GALNT6: variants seen among roughly 807,000 people sequenced by gnomAD.
GALNT6 encodes the protein GalNAc transferase 6.
GALNT6 carries 51 observed loss-of-function variants against 65.9 expected under a neutral mutation model. The observed-to-expected ratio is 0.77, with a 90% CI of 0.62 to 0.98. The LOEUF is 0.98. Among genes scored for constraint, GALNT6 ranks in the 50% least tolerant of loss-of-function variants. GALNT6 has a pLI of 0.00. For synonymous variants in GALNT6, 323 were observed against 315.1 expected, an observed-to-expected ratio of 1.02 and a Z score of -0.26; for missense variants, 708 against 803.3, an observed-to-expected ratio of 0.88 and a Z score of 1.43.
At chr12:51,374,666 C>T (rs1323947081) in intron 4 of GALNT6, among the ~76,000 whole-genome samples, 1 of 152,104 alleles carries the variant, frequency 6.6e-6, no homozygotes, top group African/African-American at 2.4e-5. Context: ...CTGGGAGAGC[C>T]CCAGACACCA....
Position 51,379,798 on chromosome 12 carries a change from G to A in GALNT6, c.-17C>T. 6 of 1,590,778 alleles carry A rather than the reference G, an allele frequency of 3.8e-6. No individual in the cohort carries two copies. The highest frequency in any genetic ancestry group is 1.1e-5 in the South Asian group (1 of 89,974). ...GAGCCTCATCCTCCAGAACCAAGGG[G>A]CACCCCAGCTGCGTCAGCTCTGAGT... On this transcript the variant is annotated 5_prime_UTR_variant, in exon 3 of 12. Transcript: ENST00000356317.
chr12:51,379,311 C>T lies in GALNT6; in HGVS notation c.471G>A (p.Gly157=), dbSNP rs779046131. 5.9e-6 allele frequency: 9 copies of T among 1,523,516 alleles called. No individual in the cohort carries two copies. The highest frequency in any genetic ancestry group is 7.9e-6 in the Non-Finnish European group (9 of 1,139,016). 94.4% of individuals were successfully genotyped at this position (1,523,516 alleles called of 1,614,324 possible). The part of the protein sequence containing the change: ...SDRISLQRSL[G]PDTRPPECVD... ...CTTACTCAGGTGGTCGGGTGTCTGG[C>T]CCCAGGGACCTCTGCAGGGAGATCC... Residue 157 remains glycine (G), a synonymous_variant, in exon 3 of 12, where the codon GGG becomes GGA. Transcript: ENST00000356317.
At chr12:51,368,658 G>A (rs569117034) in intron 4 of GALNT6, among the ~76,000 whole-genome samples, 5 of 152,032 alleles carry the variant, frequency 3.3e-5, no homozygotes, top group African/African-American at 4.8e-5. Flanking sequence ...TGCCCGCCTC[G>A]GCCTCCCAAA....
intron 4 of GALNT6, among the ~76,000 whole-genome samples, chr12:51,373,151 T>C (rs1435519080): frequency 6.6e-6 from 1 of 152,196 alleles, no homozygotes; most frequent in Non-Finnish European, 1.5e-5. Flanking sequence ...TGGAATTAGC[T>C]AAGACTTTGG....
At chr12:51,359,110 T>G (rs753920322) in intron 8 of GALNT6, 22 bp downstream of exon 8, 1 of 1,594,104 alleles carries the variant, frequency 6.3e-7, no homozygotes, top group Non-Finnish European at 8.6e-7. Flanking sequence ...TCTAAACCTC[T>G]CCGAGAACCA....
chr12:51,382,189 G>A (rs997802215), intron 2 of GALNT6: 4 of 152,220 alleles, frequency 2.6e-5, no homozygotes, highest in African/African-American at 7.2e-5. Context: ...TATTCCACCA[G>A]TATTTACTGA....
intron 4 of GALNT6, among the ~76,000 whole-genome samples, chr12:51,373,113 G>A (rs188598735): frequency 1.3e-5 from 2 of 152,328 alleles, no homozygotes; most frequent in East Asian, 3.9e-4. Flanking sequence ...TCAGATGGGA[G>A]TTTGGACTTG....
chr12:51,360,763 C>G lies in GALNT6; in HGVS notation c.1125G>C (p.Gln375His). The change falls in exon 7 of 12, where the codon CAG (glutamine) becomes CAC (histidine). Residue 375 changes from glutamine to histidine, a missense_variant. Coordinates refer to ENST00000356317, the MANE Select transcript of GALNT6 (RefSeq NM_007210.4). ...CGTTCTCCCCTCCCCAGATCTCCATCTGATTATCATAGGTACCGATGTGCT... is the reference window on the plus strand; with the variant it reads ...CGTTCTCCCCTCCCCAGATCTCCATGTGATTATCATAGGTACCGATGTGCT... ...YFEHIGTYDNQMEIWGGENVE... is the reference protein window; with the variant it reads ...YFEHIGTYDNHMEIWGGENVE... The G allele has an allele frequency of 1.9e-6, 3 of 1,613,496 alleles. No homozygotes were observed. The highest frequency in any genetic ancestry group is 2.5e-6 in the Non-Finnish European group (3 of 1,179,474).
At chr12:51,379,139 T>C (rs953203504) in intron 3 of GALNT6, 152 bp downstream of exon 3, 13 of 755,950 alleles carry the variant, frequency 1.7e-5, no homozygotes, top group Non-Finnish European at 2.4e-5. Context: ...ACAGTTGTTC[T>C]GGGAAAGAAG....
chr12:51,371,423 T>C (rs1947291906), intron 4 of GALNT6, among the ~76,000 whole-genome samples: 2 of 152,104 alleles, frequency 1.3e-5, no homozygotes, highest in Non-Finnish European at 2.9e-5. Flanking sequence ...GCTCCCTGGC[T>C]TACTTTGTTT....
In GALNT6 at chr12:51,379,351, G is replaced by A. The variant is rs1423768865; in HGVS notation, c.431C>T (p.Ala144Val). The change falls in exon 3 of 12, where the codon GCC becomes GTC. Residue 144 changes from alanine to valine, a missense_variant. Physicochemically the swap from Ala to Val is moderately conservative, Grantham distance 64. Transcript: ENST00000356317. The stretch of plus-strand genomic sequence containing the variant: ...CAGGGAGATCCGGTCGCTGGCAAAG[G>A]CATTGAAACAGTGCTTCTTATAGCC... The part of the protein sequence containing the change: ...EEGYKKHCFN[A>V]FASDRISLQR... 1 of 1,546,320 alleles carries A rather than the reference G, an allele frequency of 6.5e-7. No individual in the cohort carries two copies. Among genetic ancestry groups the A allele is most frequent in the Non-Finnish European group, 8.7e-7 (1 of 1,150,446 alleles).
chr12:51,372,381 T>A (rs867034480), intron 4 of GALNT6, among the ~76,000 whole-genome samples: 1 of 152,050 alleles, frequency 6.6e-6, no homozygotes, highest in Non-Finnish European at 1.5e-5. Context: ...GCTAATTTTT[T>A]ATTTTTTTGT....
intron 9 of GALNT6, 39 bp from the exon 10 acceptor site, chr12:51,357,489 C>T (rs1401849912): frequency 3.4e-6 from 5 of 1,469,612 alleles, no homozygotes; most frequent in Admixed American, 1.7e-5. Context: ...CAGGATGGCA[C>T]AGTCAGGAGG....
At chr12:51,369,493 C>T (rs1309452149) in intron 4 of GALNT6, among the ~76,000 whole-genome samples, 6 of 152,150 alleles carry the variant, frequency 3.9e-5, no homozygotes, top group Non-Finnish European at 8.8e-5. Flanking sequence ...TTCAACACCC[C>T]ACCACCCCAA....
chr12:51,385,760 AG>A (rs61177162), intron 2 of GALNT6, among the ~76,000 whole-genome samples: 61,960 of 151,958 alleles, frequency 0.41, 13,971 homozygotes, highest in Non-Finnish European at 0.5. Context: ...TGGACCAGAG[AG>A]GCCATGCCAT....
intron 7 of GALNT6, chr12:51,360,345 G>A (rs1354117094): frequency 6.4e-6 from 1 of 157,424 alleles, no homozygotes; most frequent in Non-Finnish European, 1.4e-5. Flanking sequence ...GATGATGACT[G>A]GTTACTCATC....
chr12:51,354,077 T>G lies in GALNT6; in HGVS notation c.*302A>C, dbSNP rs1946678488. On this transcript the variant is annotated 3_prime_UTR_variant, in exon 12 of 12. Transcript: ENST00000356317. The stretch of plus-strand genomic sequence containing the variant: ...TGTGCCCAGCCTGAAGTACTTTTCT[T>G]GAACTCAGCATTGCTGCCCTGAACC... 1.1e-5 allele frequency: 3 copies of G among 274,928 alleles called. No homozygotes were observed. The highest frequency in any genetic ancestry group is 6.7e-5 in the African/African-American group (3 of 44,454). 17.0% of individuals were successfully genotyped at this position (274,928 alleles called of 1,614,324 possible).
intron 2 of GALNT6, among the ~76,000 whole-genome samples, chr12:51,390,030 C>G (rs551067579): frequency 6.6e-6 from 1 of 152,202 alleles, no homozygotes; most frequent in African/African-American, 2.4e-5. Context: ...GCAACTTTCT[C>G]TGATTACCTC....
At chr12:51,378,159 T>G in intron 3 of GALNT6, among the ~76,000 whole-genome samples, 1 of 152,080 alleles carries the variant, frequency 6.6e-6, no homozygotes, top group East Asian at 1.9e-4. Flanking sequence ...CTCTTCTCTC[T>G]GTCTGTTTTT....
Sources: allele counts gnomAD v4.1 joint callset (sites outside exome capture counted in the v4.1 genomes callset), GRCh38; gene constraint gnomAD v4.1.1; transcripts MANE v1.5; gene names NCBI Gene and HGNC (gene_info 2026-07-23, HGNC 2026-07-21).